The following THSD7B variants were observed in gnomAD, a reference collection of about 807,000 sequenced individuals.
The protein encoded by THSD7B is thrombospondin type 1 domain containing 7B, also known as thrombospondin type-1 domain-containing protein 7B.
A neutral mutation model predicts 213.6 loss-of-function variants in THSD7B; 138 were observed. The observed-to-expected ratio is 0.65, with a 90% CI of 0.56 to 0.74. The LOEUF (loss-of-function observed/expected upper bound fraction) is 0.74. THSD7B is among the 30% of genes least tolerant of loss of function. The pLI is 0.00. For synonymous variants in THSD7B, 742 were observed against 687.0 expected (o/e 1.08, Z -1.25); for missense variants, 1,931 against 1,991.5 (o/e 0.97, Z 0.58).
At chr2:137,402,509 A>G (rs181170356) in intron 12 of THSD7B, among the ~76,000 whole-genome samples, 2 of 152,204 alleles carry the variant, frequency 1.3e-5, no homozygotes, top group East Asian at 3.9e-4. Flanking sequence ...AATTTATTAT[A>G]ATTGAAAAAA....
chr2:136,870,244 C>T (rs1683410451), intron 1 of THSD7B, among the ~76,000 whole-genome samples: 1 of 152,076 alleles, frequency 6.6e-6, no homozygotes, highest in African/African-American at 2.4e-5. Flanking sequence ...CCTAATTTTT[C>T]AGTAGTTGGA....
At chr2:136,934,060 T>C (rs187853878) in intron 2 of THSD7B, among the ~76,000 whole-genome samples, 1 of 152,304 alleles carries the variant, frequency 6.6e-6, no homozygotes, top group African/African-American at 2.4e-5. Context: ...AAGGCATTAG[T>C]CTAATTAAAT....
chr2:137,505,111 A>T (rs1401819042), intron 15 of THSD7B, among the ~76,000 whole-genome samples: 5 of 152,106 alleles, frequency 3.3e-5, no homozygotes, highest in African/African-American at 9.7e-5. Flanking sequence ...CCATTGGAGG[A>T]TCGTTGAGCC....
chr2:137,633,403 T>C (rs1344005056), intron 20 of THSD7B, among the ~76,000 whole-genome samples: 1 of 152,166 alleles, frequency 6.6e-6, no homozygotes, highest in East Asian at 1.9e-4. Context: ...AAAGAAAATA[T>C]GGAGTGTACA....
In THSD7B at chr2:136,882,212, T is replaced by C; in HGVS notation, c.34T>C (p.Trp12Arg). Residue 12 changes from tryptophan (W) to arginine (R), a missense_variant, in exon 2 of 28, where the codon TGG (tryptophan) becomes CGG (arginine). By Grantham distance (101) the Trp-to-Arg change is moderately radical. Transcript: ENST00000409968. ...AAAGAGCAACCTAACAGTCACTTGC[T>C]GGGTATGGAGGAGCATGAGGAAGCT... ...FPKSNLTVTC[W>R]VWRSMRKLFL... The C allele has an allele frequency of 1.9e-6, 3 of 1,539,364 alleles. No individual in the cohort carries two copies. Among genetic ancestry groups the C allele is most frequent in the Non-Finnish European group, 2.6e-6 (3 of 1,142,272 alleles).
chr2:137,572,038 G>A (rs866595976), intron 16 of THSD7B, among the ~76,000 whole-genome samples: 2 of 152,322 alleles, frequency 1.3e-5, no homozygotes, highest in Middle Eastern at 3.4e-3. Flanking sequence ...TTTATTCAGA[G>A]AAGGAGAGCC....
intron 1 of THSD7B, among the ~76,000 whole-genome samples, chr2:136,822,756 C>T (rs1400681438): frequency 3.3e-5 from 5 of 152,146 alleles, no homozygotes; most frequent in East Asian, 3.9e-4. Flanking sequence ...GGTGTCACCA[C>T]GGAGCATGTT....
intron 1 of THSD7B, among the ~76,000 whole-genome samples, chr2:136,873,942 T>G (rs2104984036): frequency 6.6e-6 from 1 of 152,304 alleles, no homozygotes; most frequent in South Asian, 2.1e-4. Context: ...AGCTTGACAC[T>G]TGTTTGCTGA....
intron 9 of THSD7B, among the ~76,000 whole-genome samples, chr2:137,239,668 C>G (rs188523313): frequency 1.3e-5 from 2 of 152,330 alleles, no homozygotes; most frequent in African/African-American, 4.8e-5. Context: ...CTCATTTCCA[C>G]TACTTCCTCT....
chr2:136,791,257 G>C (rs1681959592), intron 1 of THSD7B, among the ~76,000 whole-genome samples: 1 of 151,848 alleles, frequency 6.6e-6, no homozygotes, highest in Admixed American at 6.6e-5. Context: ...CAGTGCTCTT[G>C]GGCAAGGAAA....
chr2:137,056,358 T>C (rs1180369263), intron 2 of THSD7B, 62 bp from the exon 3 acceptor site: 3 of 1,509,192 alleles, frequency 2.0e-6, no homozygotes, highest in Non-Finnish European at 2.7e-6. Flanking sequence ...TGACTTCTAC[T>C]TACCTGTGAA....
chr2:136,792,935 G>A (rs909927408), intron 1 of THSD7B, among the ~76,000 whole-genome samples: 3 of 151,988 alleles, frequency 2.0e-5, no homozygotes, highest in Non-Finnish European at 4.4e-5. Context: ...CCTTGGTATT[G>A]CTGAGTAGTA....
intron 1 of THSD7B, among the ~76,000 whole-genome samples, chr2:136,828,714 C>T (rs904219711): frequency 1.3e-5 from 2 of 152,218 alleles, no homozygotes; most frequent in Non-Finnish European, 2.9e-5. Context: ...ATGCTATACT[C>T]AGACTGCAAT....
chr2:136,836,557 TTC>T (rs1375058827), intron 1 of THSD7B, among the ~76,000 whole-genome samples: 1 of 152,232 alleles, frequency 6.6e-6, no homozygotes, highest in Non-Finnish European at 1.5e-5. Context: ...TGGCTGTCCT[TTC>T]TCCATCACCT....
At chr2:137,311,192 T>G (rs1372108915) in intron 12 of THSD7B, among the ~76,000 whole-genome samples, 1 of 150,130 alleles carries the variant, frequency 6.7e-6, no homozygotes, top group Non-Finnish European at 1.5e-5. Flanking sequence ...GAGCAGTGGT[T>G]TGTAGTTCTC....
intron 14 of THSD7B, among the ~76,000 whole-genome samples, chr2:137,423,503 A>T (rs1686972863): frequency 6.6e-6 from 1 of 152,212 alleles, no homozygotes; most frequent in East Asian, 1.9e-4. Context: ...ACAATGAACA[A>T]TCAGAAAATG....
At chr2:137,051,081 C>T (rs927997333) in intron 2 of THSD7B, among the ~76,000 whole-genome samples, 1 of 152,142 alleles carries the variant, frequency 6.6e-6, no homozygotes, top group African/African-American at 2.4e-5. Context: ...AGGGCTGACT[C>T]TCAACTTCTG....
At chr2:137,285,662 G>A (rs1683155252) in intron 12 of THSD7B, among the ~76,000 whole-genome samples, 1 of 150,970 alleles carries the variant, frequency 6.6e-6, no homozygotes, top group African/African-American at 2.4e-5. Context: ...TAATTATACA[G>A]CAATAATACC....
chr2:136,920,266 A>G (rs1340949473), intron 2 of THSD7B, among the ~76,000 whole-genome samples: 8 of 152,244 alleles, frequency 5.3e-5, no homozygotes, highest in Admixed American at 3.9e-4. Context: ...CAGGAGACCC[A>G]AAGTGGCTAG....
Sources: allele counts gnomAD v4.1 joint callset (sites outside exome capture counted in the v4.1 genomes callset), GRCh38; gene constraint gnomAD v4.1.1; transcripts MANE v1.5; gene names NCBI Gene and HGNC (gene_info 2026-07-23, HGNC 2026-07-21).